Variants in GRIA1 observed in about 807,000 individuals in gnomAD.
GRIA1 encodes glutamate ionotropic receptor AMPA type subunit 1.
A neutral mutation model predicts 99.2 loss-of-function variants in GRIA1; 31 were observed. That is an observed-to-expected ratio of 0.31 (90% CI 0.23 to 0.42). The LOEUF (loss-of-function observed/expected upper bound fraction) is 0.42, where lower values mean the gene tolerates loss of function less well. Ranked by LOEUF, GRIA1 falls within the 10% of genes least tolerant of loss-of-function variation. The pLI, the probability that GRIA1 is intolerant of heterozygous loss-of-function variation, is 1.00. For missense variants in GRIA1, 782 were observed against 1,157.5 expected (o/e 0.68, Z 4.71); for synonymous variants, 438 against 432.4 (o/e 1.01, Z -0.16).
At chr5:153,572,049 T>C (rs1019636317) in intron 2 of GRIA1, among the ~76,000 whole-genome samples, 2 of 152,214 alleles carry the variant, frequency 1.3e-5, no homozygotes, top group African/African-American at 4.8e-5. Flanking sequence ...CCTCAAAATA[T>C]TCTAAGTGCT....
intron 2 of GRIA1, among the ~76,000 whole-genome samples, chr5:153,538,026 C>G (rs1026782012): frequency 2.0e-5 from 3 of 152,104 alleles, no homozygotes; most frequent in African/African-American, 7.2e-5. Context: ...AGGAGCTGGG[C>G]TGGAATCTGA....
At chr5:153,637,412 A>G (rs2149442760) in intron 2 of GRIA1, among the ~76,000 whole-genome samples, 1 of 152,210 alleles carries the variant, frequency 6.6e-6, no homozygotes, top group East Asian at 1.9e-4. Context: ...ACAATCCATG[A>G]CTCTATGACT....
At chr5:153,710,426 C>A (rs917999841) in intron 11 of GRIA1, among the ~76,000 whole-genome samples, 3 of 152,174 alleles carry the variant, frequency 2.0e-5, no homozygotes, top group African/African-American at 7.2e-5. Flanking sequence ...TTTCCCTATG[C>A]TGCCCAAGCT....
intron 11 of GRIA1, among the ~76,000 whole-genome samples, chr5:153,724,349 T>C (rs1760333413): frequency 6.6e-6 from 1 of 151,942 alleles, no homozygotes; most frequent in South Asian, 2.1e-4. Flanking sequence ...CCTCTCCTCC[T>C]CCAAAGGAAC....
chr5:153,618,583 C>T (rs1174485710), intron 2 of GRIA1, among the ~76,000 whole-genome samples: 1 of 152,120 alleles, frequency 6.6e-6, no homozygotes, highest in South Asian at 2.1e-4. Flanking sequence ...TTCAGGCTCA[C>T]CACGTATGGA....
rs555164573 is a variant in GRIA1 at position 153,738,382 on chromosome 5, G to A, written c.1824-26052G>A. Reference sequence around the variant, plus strand: ...AAAAGGTGAACTCTGGACACAGACTGTGTGTTAATGGAAATACACCTAACC... The same window carrying A: ...AAAAGGTGAACTCTGGACACAGACTATGTGTTAATGGAAATACACCTAACC... On this transcript the variant is annotated intron_variant, in intron 11 of 15. Coordinates refer to ENST00000285900, the MANE Select transcript of GRIA1 (RefSeq NM_000827.4). Among the ~76,000 whole-genome samples, 15 of 152,224 alleles carry A rather than the reference G, an allele frequency of 9.9e-5. No homozygotes were observed. The South Asian group carries it at 3.1e-3, about 32-fold the overall frequency.
chr5:153,545,181 C>A (rs914317458), intron 2 of GRIA1, among the ~76,000 whole-genome samples: 1 of 152,144 alleles, frequency 6.6e-6, no homozygotes, highest in Non-Finnish European at 1.5e-5. Context: ...GAAAGGCATT[C>A]ATTTTGGAGA....
chr5:153,671,679 T>G (rs1412173579), intron 5 of GRIA1, among the ~76,000 whole-genome samples: 1 of 152,230 alleles, frequency 6.6e-6, no homozygotes, highest in Non-Finnish European at 1.5e-5. Flanking sequence ...ATATTTCTCC[T>G]GGATAATTGG....
intron 7 of GRIA1, among the ~76,000 whole-genome samples, chr5:153,679,503 C>T (rs1016277044): frequency 5.9e-5 from 9 of 152,184 alleles, no homozygotes; most frequent in African/African-American, 1.4e-4. Flanking sequence ...AGCTTAGTGG[C>T]GGAGGCTGGA....
chr5:153,633,146 G>A (rs910249565), intron 2 of GRIA1, among the ~76,000 whole-genome samples: 2 of 152,198 alleles, frequency 1.3e-5, no homozygotes, highest in African/African-American at 4.8e-5. Flanking sequence ...CTGTGAGTGA[G>A]TGAGTTATGC....
intron 2 of GRIA1, among the ~76,000 whole-genome samples, chr5:153,511,913 G>A (rs1756116940): frequency 6.6e-6 from 1 of 152,140 alleles, no homozygotes; most frequent in African/African-American, 2.4e-5. Context: ...CCTCGTTCCT[G>A]CGAAGCCAGT....
In GRIA1 at chr5:153,811,548, T is replaced by C. The variant is rs1766820835; in HGVS notation, c.*323T>C. ...GTCACTGGAACACTAATGAGGAAAC[T>C]GCACTGTTTTATTTTAATTCAGTTG... On this transcript the variant is annotated 3_prime_UTR_variant, in exon 16 of 16. Transcript: ENST00000285900. The C allele has an allele frequency of 6.7e-6, 2 of 296,516 alleles. No individual in the cohort carries two copies. Among genetic ancestry groups the C allele is most frequent in the Non-Finnish European group, 1.3e-5 (2 of 153,568 alleles). The allele number at this position is 296,516 out of a possible 1,614,324, so 18.4% of individuals were successfully genotyped here.
At chr5:153,519,248 C>A (rs1370215223) in intron 2 of GRIA1, among the ~76,000 whole-genome samples, 1 of 151,600 alleles carries the variant, frequency 6.6e-6, no homozygotes, top group South Asian at 2.1e-4. Flanking sequence ...GACGACAGAG[C>A]GAGACTCCAT....
chr5:153,658,211 A>T (rs912441861), intron 5 of GRIA1, among the ~76,000 whole-genome samples: 1 of 152,250 alleles, frequency 6.6e-6, no homozygotes, highest in South Asian at 2.1e-4. Context: ...ACAGAACAAT[A>T]CATAGAACAA....
intron 11 of GRIA1, among the ~76,000 whole-genome samples, chr5:153,737,205 T>C (rs2149568212): frequency 6.6e-6 from 1 of 150,384 alleles, no homozygotes; most frequent in South Asian, 2.1e-4. Flanking sequence ...CTGAAAGCAT[T>C]AATCTCATCT....
chr5:153,566,889 G>T (rs1446589741), intron 2 of GRIA1, among the ~76,000 whole-genome samples: 1 of 151,474 alleles, frequency 6.6e-6, no homozygotes, highest in African/African-American at 2.4e-5. Context: ...GCTAATTTTT[G>T]TATTTTTGAT....
chr5:153,751,777 G>A (rs1037670226), intron 11 of GRIA1, among the ~76,000 whole-genome samples: 6 of 152,214 alleles, frequency 3.9e-5, no homozygotes, highest in Admixed American at 3.9e-4. Context: ...ACTATCTTCC[G>A]TTAGCATCAA....
At chr5:153,552,215 T>G (rs1229190976) in intron 2 of GRIA1, among the ~76,000 whole-genome samples, 1 of 150,492 alleles carries the variant, frequency 6.6e-6, no homozygotes, top group East Asian at 1.9e-4. Flanking sequence ...CATGAGACTT[T>G]GAATAGAAAT....
intron 2 of GRIA1, among the ~76,000 whole-genome samples, chr5:153,642,324 T>C (rs1042563182): frequency 2.0e-5 from 3 of 152,176 alleles, no homozygotes; most frequent in Non-Finnish European, 2.9e-5. Context: ...ACTTCTCCAA[T>C]TTGAAACCCA....
Sources: gnomAD v4.1 joint callset for allele counts (sites outside exome capture counted in the v4.1 genomes callset) on GRCh38, gnomAD v4.1.1 for gene constraint, MANE v1.5 for transcripts, NCBI Gene and HGNC (gene_info 2026-07-23, HGNC 2026-07-21) for gene names.